Variants in CHD2 observed in about 807,000 individuals in gnomAD.
CHD2 encodes ATP-dependent chromatin remodeler CHD2.
A neutral mutation model predicts 243.9 loss-of-function variants in CHD2; 28 were observed. The ratio of observed to expected loss-of-function variants is 0.11; its 90% confidence interval spans 0.09 to 0.16. The LOEUF (loss-of-function observed/expected upper bound fraction) is 0.16, where lower values mean the gene tolerates loss of function less well. Among genes scored for constraint, CHD2 ranks in the 10% least tolerant of loss-of-function variants. CHD2 has a pLI of 1.00. For synonymous variants in CHD2, 775 were observed against 779.0 expected (o/e 0.99, Z 0.09); for missense variants, 1,386 against 2,209.8 (o/e 0.63, Z 7.47).
intron 2 of CHD2, among the ~76,000 whole-genome samples, chr15:92,917,295 A>G (rs2052857995): frequency 6.6e-6 from 1 of 152,248 alleles, no homozygotes; most frequent in African/African-American, 2.4e-5. Context: ...GCAGTGGCTC[A>G]TGCCTGTAAT....
chr15:92,954,254 C>T (rs1385841799), intron 14 of CHD2: 1 of 152,196 alleles, frequency 6.6e-6, no homozygotes, highest in African/African-American at 2.4e-5. Flanking sequence ...TTCTTTCCTG[C>T]TACTGATGAA....
intron 2 of CHD2, among the ~76,000 whole-genome samples, chr15:92,912,740 T>G (rs2052761548): frequency 6.6e-6 from 1 of 152,150 alleles, no homozygotes; most frequent in African/African-American, 2.4e-5. Flanking sequence ...TTCACTATGT[T>G]GGCCAGGCTG....
intron 16 of CHD2, among the ~76,000 whole-genome samples, chr15:92,957,935 G>A (rs62023142): frequency 0.19 from 29,327 of 151,916 alleles, 3,878 homozygotes; most frequent in East Asian, 0.56. Context: ...TTTTGTTTCC[G>A]GCTTCCTTCA....
chr15:92,923,509 C>T (rs2052999255), intron 2 of CHD2, among the ~76,000 whole-genome samples: 1 of 151,344 alleles, frequency 6.6e-6, no homozygotes, highest in African/African-American at 2.4e-5. Flanking sequence ...ATCTTCCTGC[C>T]TAGGCTTCCC....
Position 92,953,359 on chromosome 15 carries a change from A to C in CHD2, c.1505A>C (p.Asn502Thr). 1 of 1,612,760 alleles carries C rather than the reference A, an allele frequency of 6.2e-7. No homozygotes were observed. The highest frequency in any genetic ancestry group is 8.5e-7 in the Non-Finnish European group (1 of 1,179,402). The stretch of plus-strand genomic sequence containing the variant: ...TTATTTATTTTTTCTTTCTGCAGAA[A>C]TAATAGTGTAATCCTTGCTGATGAA... ...LNWLAHSWCK[N>T]NSVILADEMG... The change falls in exon 14 of 39, where the codon AAT (asparagine) becomes ACT (threonine). Residue 502 changes from asparagine (N) to threonine (T), a missense_variant and splice_region_variant. Transcript: ENST00000394196.
At chr15:92,910,855 C>G (rs1316515695) in intron 2 of CHD2, among the ~76,000 whole-genome samples, 2 of 152,182 alleles carry the variant, frequency 1.3e-5, no homozygotes, top group South Asian at 2.1e-4. Flanking sequence ...GTTAGGTGAT[C>G]TTGTAGTTGT....
At chr15:92,947,731 T>C (rs1244711471) in intron 12 of CHD2, among the ~76,000 whole-genome samples, 2 of 152,092 alleles carry the variant, frequency 1.3e-5, no homozygotes, top group Non-Finnish European at 2.9e-5. Flanking sequence ...AGAACAGTTA[T>C]GGGGTAGGTT....
chr15:93,014,970 T>C lies in CHD2; in HGVS notation c.4906+61T>C, dbSNP rs555035915. The C allele has an allele frequency of 6.5e-5, 90 of 1,383,914 alleles. No homozygotes were observed. The African/African-American group carries it at 1.2e-3, about 18-fold the overall frequency. The allele number at this position is 1,383,914 out of a possible 1,614,324, so 85.7% of individuals were successfully genotyped here. On this transcript the variant is annotated intron_variant, in intron 37 of 38. Coordinates refer to ENST00000394196, the MANE Select transcript of CHD2 (RefSeq NM_001271.4). ...AAAAGATAAAAAATTCACACAGCCG[T>C]TTCATTTTCCAAAGACACTGGCTAG...
At chr15:92,984,612 A>G in intron 25 of CHD2, 112 bp downstream of exon 25, 2 of 1,045,058 alleles carry the variant, frequency 1.9e-6, no homozygotes, top group Admixed American at 3.3e-5. Context: ...CAGAGGCTTC[A>G]GGAGCAGAGT....
At chr15:92,929,229 G>A (rs369424787) in intron 5 of CHD2, 138 bp downstream of exon 5, 7 of 744,594 alleles carry the variant, frequency 9.4e-6, no homozygotes, top group South Asian at 5.5e-5. Flanking sequence ...TCGGGTGACT[G>A]TCTACCTTGA....
At chr15:92,923,561 GTTTT>G (rs1199703270) in intron 2 of CHD2, among the ~76,000 whole-genome samples, 1 of 121,528 alleles carries the variant, frequency 8.2e-6, no homozygotes, top group Admixed American at 8.7e-5. Flanking sequence ...TGTCCAGCTT[GTTTT>G]TTTTTTTTTT....
Position 93,000,554 on chromosome 15 carries a change from A to G in CHD2, c.4051A>G (p.Lys1351Glu). 6.2e-7 allele frequency: 1 copy of G among 1,613,712 alleles called. No homozygotes were observed. The highest frequency in any genetic ancestry group is 8.5e-7 in the Non-Finnish European group (1 of 1,179,786). ...KRKPRVKKEN[K>E]VPRLKEEHGI... Reference sequence around the variant, plus strand: ...GAAGCCTCGGGTAAAGAAGGAAAACAAAGTGCCCAGGCTGAAAGAGGAGCA... The same window carrying G: ...GAAGCCTCGGGTAAAGAAGGAAAACGAAGTGCCCAGGCTGAAAGAGGAGCA... Residue 1351 changes from lysine to glutamate, a missense_variant, in exon 32 of 39, where the codon AAA becomes GAA. By Grantham distance (56) the Lys-to-Glu change is moderately conservative. This residue lies in a region of CHD2 where 125 missense variants were observed against 128.9 expected (regional missense o/e 0.97). Coordinates refer to ENST00000394196, the MANE Select transcript of CHD2 (RefSeq NM_001271.4).
intron 5 of CHD2, among the ~76,000 whole-genome samples, chr15:92,930,674 C>T (rs1186237671): frequency 6.6e-6 from 1 of 152,146 alleles, no homozygotes; most frequent in East Asian, 1.9e-4. Context: ...TCAAGCAGTC[C>T]TCCAGCCTCG....
At chr15:92,975,239 G>A (rs2053891810) in intron 20 of CHD2, among the ~76,000 whole-genome samples, 1 of 152,142 alleles carries the variant, frequency 6.6e-6, no homozygotes, top group South Asian at 2.1e-4. Context: ...CAGGAGTAGG[G>A]GAGAGTTGGG....
In CHD2 at chr15:92,924,567, C is replaced by T; in HGVS notation, c.294+15C>T. 3 of 1,608,694 alleles carry T rather than the reference C, an allele frequency of 1.9e-6. No homozygotes were observed. Among genetic ancestry groups the T allele is most frequent in the African/African-American group, 2.7e-5 (2 of 74,950 alleles). On this transcript the variant is annotated intron_variant, in intron 3 of 38. Coordinates refer to ENST00000394196, the MANE Select transcript of CHD2 (RefSeq NM_001271.4). ...ATGTGAAGAAGGTATCTACTTTGCC[C>T]TGCAGTACAAATGTGCTGCTAGCCT...
intron 2 of CHD2, among the ~76,000 whole-genome samples, chr15:92,911,622 C>T (rs539305896): frequency 1.9e-4 from 29 of 152,098 alleles, no homozygotes; most frequent in Admixed American, 1.2e-3. Flanking sequence ...CCTGTAATAC[C>T]GGCTATTAGG....
chr15:92,904,966 A>G (rs1000678517), intron 2 of CHD2: 1 of 1,536,066 alleles, frequency 6.5e-7, no homozygotes, highest in South Asian at 1.2e-5. Context: ...TTTACTTGGT[A>G]CCGTACATTT....
At chr15:92,919,828 ATACT>A (rs1408629334) in intron 2 of CHD2, among the ~76,000 whole-genome samples, 1 of 152,258 alleles carries the variant, frequency 6.6e-6, no homozygotes, top group Non-Finnish European at 1.5e-5. Flanking sequence ...GACATTAAAA[ATACT>A]TAAGGTATAT....
intron 16 of CHD2, among the ~76,000 whole-genome samples, chr15:92,963,710 C>T (rs143110493): frequency 2.6e-5 from 4 of 152,172 alleles, no homozygotes; most frequent in Admixed American, 2.0e-4. Context: ...AAAGATGTCC[C>T]GTATGACACA....
Sources: gnomAD v4.1 joint callset for allele counts (sites outside exome capture counted in the v4.1 genomes callset) on GRCh38, gnomAD v4.1.1 for gene constraint, gnomAD v4.1.1 regional missense constraint, MANE v1.5 for transcripts, NCBI Gene and HGNC (gene_info 2026-07-23, HGNC 2026-07-21) for gene names.